The following TTC7A variants were observed in gnomAD, a reference collection of about 807,000 sequenced individuals.
TTC7A encodes tetratricopeptide repeat protein 7A.
A neutral mutation model predicts 103.7 loss-of-function variants in TTC7A; 110 were observed. The ratio of observed to expected loss-of-function variants is 1.06; its 90% CI spans 0.91 to 1.24. The LOEUF is 1.24. Ranked by LOEUF, TTC7A falls within the 50% of genes most tolerant of loss-of-function variation. The pLI is 0.00. For synonymous variants in TTC7A, 521 were observed against 467.9 expected (o/e 1.11, Z -1.47); for missense variants, 1,340 against 1,116.3 (o/e 1.20, Z -2.86).
At chr2:47,057,716 G>A (rs1413123061) in intron 18 of TTC7A, among the ~76,000 whole-genome samples, 1 of 152,146 alleles carries the variant, frequency 6.6e-6, no homozygotes, top group Non-Finnish European at 1.5e-5. Flanking sequence ...GTGACCCTGG[G>A]GGATTCTGCC....
chr2:46,956,822 T>G lies in TTC7A; in HGVS notation c.349-17T>G. The G allele has an allele frequency of 6.2e-7, 1 of 1,613,686 alleles. No homozygotes were observed. Among genetic ancestry groups the G allele is most frequent in the African/African-American group, 1.3e-5 (1 of 75,022 alleles). ...AACTTTGGGGCAGGCGCTGGTAACA[T>G]GTCCTTGTCATTTCAGCCACAGTAC... On this transcript the variant is annotated splice_polypyrimidine_tract_variant and intron_variant, in intron 2 of 19. Coordinates refer to ENST00000319190, the MANE Select transcript of TTC7A (RefSeq NM_020458.4).
rs1670378409 is a variant in TTC7A, at chr2:46,941,561, A to T, written c.20A>T (p.His7Leu). The T allele has an allele frequency of 7.1e-6, 11 of 1,555,774 alleles. No homozygotes were observed. The highest frequency in any genetic ancestry group is 9.6e-6 in the Non-Finnish European group (11 of 1,150,318). ...GAGAAGATGGCTGCGAAGGGCGCGC[A>T]CGGCTCCTACCTGAAGGTGGAGAGC... is the stretch of plus-strand genomic sequence containing the variant. MAAKGA[H>L]GSYLKVESEL... The change falls in exon 1 of 20, where the codon CAC (histidine) becomes CTC (leucine). Residue 7 changes from histidine to leucine, a missense_variant. By Grantham distance (99) the His-to-Leu change is moderately conservative. Transcript: ENST00000319190. This position sits in a 1 kb window ranked among gnomAD's most constrained non-coding sequence, Gnocchi z 4.2.
At chr2:46,924,691 A>G (rs1282377195) in intron 2 of TTC7A, among the ~76,000 whole-genome samples, 7 of 151,888 alleles carry the variant, frequency 4.6e-5, no homozygotes, top group Non-Finnish European at 1.0e-4. Context: ...CAGTGGTGCG[A>G]TCTCAGCACA....
chr2:46,995,893 A>G (rs1443985159), intron 8 of TTC7A, among the ~76,000 whole-genome samples: 10 of 152,276 alleles, frequency 6.6e-5, no homozygotes, highest in Admixed American at 6.5e-4. Flanking sequence ...TACAATATGC[A>G]GGATGTCCAC....
chr2:47,046,052 CAG>C (rs1682278338), intron 15 of TTC7A, among the ~76,000 whole-genome samples: 1 of 152,226 alleles, frequency 6.6e-6, no homozygotes, highest in Non-Finnish European at 1.5e-5. Context: ...GGCACATGGT[CAG>C]GGGACACGGG....
At chr2:47,070,866 CCTGTGGG>C (rs1380578471) in intron 19 of TTC7A, among the ~76,000 whole-genome samples, 1 of 152,196 alleles carries the variant, frequency 6.6e-6, no homozygotes, top group Admixed American at 6.5e-5. Context: ...CTTTCGAATC[CCTGTGGG>C]CTGGCAGCAC....
Position 46,917,743 on chromosome 2 carries a change from C to G in TTC7A, c.82+466C>G, listed in dbSNP as rs1668888897. On this transcript the variant is annotated intron_variant, in intron 2 of 20. Coordinates refer to the TTC7A transcript ENST00000409245. ...TACCACTGAAACTGCAATCTCCATG[C>G]AAATCTAGTGGTCTCTTTGATCTCT... 2.6e-5 allele frequency among the ~76,000 whole-genome samples: 4 copies of G among 152,214 alleles called. No individual in the cohort carries two copies. In the South Asian group the frequency reaches 8.3e-4, roughly 31 times the overall value.
In TTC7A at chr2:46,965,705, G is replaced by T. The variant is rs182102824; in HGVS notation, c.517+8698G>T. Among the ~76,000 whole-genome samples the T allele has an allele frequency of 3.9e-5, 6 of 151,982 alleles. No homozygotes were observed. In the East Asian group the frequency reaches 1.2e-3, roughly 29 times the overall value. On this transcript the variant is annotated intron_variant, in intron 3 of 19. Transcript: ENST00000319190. ...GCCTCCAGAATAGCTGGAATTACAG[G>T]CACGTACTACCATACCCTGCTAATT...
Position 46,993,508 on chromosome 2 carries a change from G to A in TTC7A, c.823G>A (p.Ala275Thr). 1.2e-6 allele frequency: 2 copies of A among 1,614,170 alleles called. No homozygotes were observed. The highest frequency in any genetic ancestry group is 1.7e-6 in the Non-Finnish European group (2 of 1,180,028). Reference sequence around the variant, plus strand: ...GGTGCTGCGGACTGTGGAGACCAAAGCAACTCAGAACTTCAAAGTGGTAAT... The same window carrying A: ...GGTGCTGCGGACTGTGGAGACCAAAACAACTCAGAACTTCAAAGTGGTAAT... The part of the protein sequence containing the change: ...REVLRTVETK[A>T]TQNFKVMAAK... The change falls in exon 6 of 20, where the codon GCA becomes ACA. Residue 275 changes from alanine to threonine, a missense_variant. Physicochemically the swap from Ala to Thr is moderately conservative, Grantham distance 58. Transcript: ENST00000319190.
chr2:46,922,767 G>A (rs549025952), intron 2 of TTC7A, among the ~76,000 whole-genome samples: 1 of 152,238 alleles, frequency 6.6e-6, no homozygotes, highest in African/African-American at 2.4e-5. Flanking sequence ...ACTGGAGGAA[G>A]CACATCAATT....
intron 8 of TTC7A, among the ~76,000 whole-genome samples, chr2:47,003,652 C>A (rs1677072749): frequency 1.3e-5 from 2 of 152,238 alleles, no homozygotes; most frequent in South Asian, 4.1e-4. Flanking sequence ...CCCACCCCTG[C>A]AGACTGCCTG....
intron 19 of TTC7A, among the ~76,000 whole-genome samples, chr2:47,072,228 T>A (rs1684797979): frequency 6.6e-6 from 1 of 152,128 alleles, no homozygotes; most frequent in African/African-American, 2.4e-5. Flanking sequence ...TGCCTGAGGC[T>A]CCACCCCGCC....
At chr2:46,972,560 A>G (rs1245562951) in intron 3 of TTC7A, among the ~76,000 whole-genome samples, 9 of 152,246 alleles carry the variant, frequency 5.9e-5, no homozygotes, top group Admixed American at 5.2e-4. Context: ...ACTGGTTTTT[A>G]TTGGCCCAGA....
At chr2:46,993,754 C>T (rs1459140335) in intron 6 of TTC7A, among the ~76,000 whole-genome samples, 8 of 152,174 alleles carry the variant, frequency 5.3e-5, no homozygotes, top group South Asian at 2.1e-4. Flanking sequence ...AATCAGATTT[C>T]AGATCTACTG....
At chr2:46,918,407 G>A (rs1465260824) in intron 2 of TTC7A, among the ~76,000 whole-genome samples, 2 of 152,176 alleles carry the variant, frequency 1.3e-5, no homozygotes, top group Admixed American at 6.5e-5. Context: ...TGGACTACTT[G>A]AGAGAGAGCT....
rs183787013 is a variant in TTC7A at position 46,984,238 on chromosome 2, G to T, written c.764+5331G>T. Among the ~76,000 whole-genome samples, 103 of 152,358 alleles carry T rather than the reference G, an allele frequency of 6.8e-4. 1 individual carries two copies. The South Asian group carries it at 0.013, about 20-fold the overall frequency. ...TGATAGGCTACACTGCCCACAGCAGGAATCCTGTTACTGAGCTGAGCCCCT... is the reference window on the plus strand; with the variant it reads ...TGATAGGCTACACTGCCCACAGCAGTAATCCTGTTACTGAGCTGAGCCCCT... On this transcript the variant is annotated intron_variant, in intron 5 of 19. Transcript: ENST00000319190.
At chr2:46,992,933 A>G (rs1675777337) in intron 5 of TTC7A, among the ~76,000 whole-genome samples, 1 of 152,238 alleles carries the variant, frequency 6.6e-6, no homozygotes, top group African/African-American at 2.4e-5. Flanking sequence ...TAAAAGCTTG[A>G]AAACTATTTC....
chr2:47,025,890 C>G (rs1191279820), intron 14 of TTC7A, among the ~76,000 whole-genome samples: 3 of 152,384 alleles, frequency 2.0e-5, no homozygotes, highest in African/African-American at 7.2e-5. Context: ...CATCCCTCCC[C>G]TCCCAGGAAT....
intron 18 of TTC7A, among the ~76,000 whole-genome samples, chr2:47,052,720 A>AGAG (rs1178294157): frequency 6.6e-6 from 1 of 152,216 alleles, no homozygotes; most frequent in African/African-American, 2.4e-5. Flanking sequence ...AGCAGAAGAC[A>AGAG]GAGGAGGAGG....
Sources: allele counts gnomAD v4.1 joint callset (sites outside exome capture counted in the v4.1 genomes callset), GRCh38; gene constraint gnomAD v4.1.1; non-coding constraint Gnocchi (gnomAD v3.1); transcripts MANE v1.5; gene names NCBI Gene and HGNC (gene_info 2026-07-23, HGNC 2026-07-21).